The following KCNU1 variants were observed in gnomAD, a reference collection of about 807,000 sequenced individuals.
KCNU1 encodes potassium channel subfamily U member 1.
A neutral mutation model predicts 126.8 loss-of-function variants in KCNU1; 93 were observed. The observed-to-expected ratio is 0.73, with a 90% CI of 0.62 to 0.87. The LOEUF (loss-of-function observed/expected upper bound fraction) is 0.87. Ranked by LOEUF, KCNU1 falls within the 40% of genes least tolerant of loss-of-function variation. KCNU1 has a pLI of 0.00. For missense variants in KCNU1, 1,330 were observed against 1,367.1 expected, an observed-to-expected ratio of 0.97 and a Z score of 0.43; for synonymous variants, 523 against 494.2, an observed-to-expected ratio of 1.06 and a Z score of -0.77.
intron 19 of KCNU1, among the ~76,000 whole-genome samples, chr8:36,874,643 GTCC>G (rs1343041771): frequency 6.6e-6 from 1 of 152,066 alleles, no homozygotes; most frequent in Admixed American, 6.5e-5. Flanking sequence ...AACCATTATT[GTCC>G]TCCTCAATTT....
At chr8:36,914,435 C>T (rs1483778104) in intron 22 of KCNU1, among the ~76,000 whole-genome samples, 1 of 152,178 alleles carries the variant, frequency 6.6e-6, no homozygotes, top group African/African-American at 2.4e-5. Flanking sequence ...GTCAGCAGTA[C>T]CAAGGTGGAG....
chr8:36,927,826 A>G (rs1808578438), intron 24 of KCNU1, among the ~76,000 whole-genome samples: 1 of 152,076 alleles, frequency 6.6e-6, no homozygotes, highest in African/African-American at 2.4e-5. Flanking sequence ...AGAAACATTG[A>G]CCAAATTTGA....
intron 19 of KCNU1, chr8:36,888,544 G>A (rs1185315352): frequency 3.8e-6 from 2 of 533,290 alleles, no homozygotes; most frequent in South Asian, 2.8e-5. Context: ...AGATCTGGGA[G>A]ATCACAAATG....
intron 19 of KCNU1, among the ~76,000 whole-genome samples, chr8:36,882,330 T>A (rs564833771): frequency 1.3e-5 from 2 of 152,306 alleles, no homozygotes; most frequent in African/African-American, 4.8e-5. Flanking sequence ...CATTCTTGAG[T>A]AGCACAGAAA....
chr8:36,808,636 G>A (rs1803594665), intron 6 of KCNU1, 82 bp from the exon 7 acceptor site: 1 of 846,138 alleles, frequency 1.2e-6, no homozygotes, highest in South Asian at 1.5e-5. Flanking sequence ...CACACTTTGT[G>A]TAGCAACATC....
chr8:36,935,950 C>T lies in KCNU1; in HGVS notation c.*30C>T, dbSNP rs1808844815. On this transcript the variant is annotated 3_prime_UTR_variant, in exon 27 of 27. Transcript: ENST00000399881. ...GCCCATATTCTTCACGTGCTCTTAA[C>T]TTGCTGCTTACAAATCATCTCCTGA... The T allele has an allele frequency of 3.3e-6, 5 of 1,509,608 alleles. No individual in the cohort carries two copies. Among genetic ancestry groups the T allele is most frequent in the Non-Finnish European group, 4.4e-6 (5 of 1,127,104 alleles). 93.5% of individuals were successfully genotyped at this position (1,509,608 alleles called of 1,614,324 possible).
At chr8:36,875,335 T>C (rs1806241549) in intron 19 of KCNU1, among the ~76,000 whole-genome samples, 1 of 149,892 alleles carries the variant, frequency 6.7e-6, no homozygotes, top group African/African-American at 2.4e-5. Flanking sequence ...TATTTATACA[T>C]ACCAATACAT....
intron 19 of KCNU1, among the ~76,000 whole-genome samples, chr8:36,883,159 C>G (rs1201805899): frequency 1.3e-5 from 2 of 152,168 alleles, no homozygotes; most frequent in African/African-American, 4.8e-5. Context: ...ATTACCTTTT[C>G]TTTCCTCTGG....
intron 19 of KCNU1, among the ~76,000 whole-genome samples, chr8:36,876,400 A>G (rs185834459): frequency 6.6e-6 from 1 of 152,264 alleles, no homozygotes; most frequent in East Asian, 1.9e-4. Context: ...ATGTCAGAGG[A>G]CTCTCAGTCT....
intron 18 of KCNU1, among the ~76,000 whole-genome samples, chr8:36,848,305 T>A (rs924924493): frequency 6.6e-6 from 1 of 152,208 alleles, no homozygotes; most frequent in Non-Finnish European, 1.5e-5. Context: ...TATAGCACCA[T>A]TTGTCTATTT....
intron 2 of KCNU1, among the ~76,000 whole-genome samples, chr8:36,788,044 C>A (rs756998371): frequency 3.9e-5 from 6 of 151,916 alleles, no homozygotes; most frequent in Non-Finnish European, 7.4e-5. Context: ...ACTAATCAGA[C>A]CTGAAATGTA....
intron 19 of KCNU1, among the ~76,000 whole-genome samples, chr8:36,872,850 G>C (rs1385982517): frequency 1.3e-5 from 2 of 152,174 alleles, no homozygotes. Flanking sequence ...GGGTGCAGTA[G>C]CTCATGCCTG....
chr8:36,790,600 T>C (rs1802869430), intron 2 of KCNU1, among the ~76,000 whole-genome samples: 1 of 152,148 alleles, frequency 6.6e-6, no homozygotes, highest in African/African-American at 2.4e-5. Context: ...TGATTTCTTA[T>C]GATAATATGA....
intron 19 of KCNU1, among the ~76,000 whole-genome samples, chr8:36,892,589 A>C (rs1185600577): frequency 6.7e-6 from 1 of 149,782 alleles, no homozygotes; most frequent in African/African-American, 2.5e-5. Context: ...ATTATATGAC[A>C]ACTCTACAAA....
At chr8:36,795,250 C>A (rs1172756842) in intron 2 of KCNU1, 1 of 152,386 alleles carries the variant, frequency 6.6e-6, no homozygotes, top group South Asian at 2.1e-4. Flanking sequence ...CCCCCTGGAG[C>A]CTCTATCTGC....
At chr8:36,796,977 G>C (rs531252203) in intron 2 of KCNU1, among the ~76,000 whole-genome samples, 1 of 152,190 alleles carries the variant, frequency 6.6e-6, no homozygotes, top group African/African-American at 2.4e-5. Context: ...ACAAATGGGA[G>C]ATCTGTTAGC....
At chr8:36,802,108 CAAAAAAAAAAAAA>C (rs749026223) in intron 2 of KCNU1, among the ~76,000 whole-genome samples, 9,117 of 72,624 alleles carry the variant, frequency 0.13, 454 homozygotes, top group Middle Eastern at 0.32. Flanking sequence ...AACTCCGTCT[CAAAAAAAAAAAAA>C]AAAAAAAAAA....
chr8:36,933,272 A>G (rs933391985), intron 26 of KCNU1, among the ~76,000 whole-genome samples: 2 of 152,088 alleles, frequency 1.3e-5, no homozygotes, highest in African/African-American at 4.8e-5. Flanking sequence ...CCCCCAGTGA[A>G]AATTGAAACA....
At chr8:36,825,973 T>C (rs2130511285) in intron 10 of KCNU1, among the ~76,000 whole-genome samples, 1 of 152,212 alleles carries the variant, frequency 6.6e-6, no homozygotes, top group South Asian at 2.1e-4. Context: ...TTGTATGTTA[T>C]AATTTTCCTA....
Sources: allele counts gnomAD v4.1 joint callset (sites outside exome capture counted in the v4.1 genomes callset), GRCh38; gene constraint gnomAD v4.1.1; transcripts MANE v1.5; gene names NCBI Gene and HGNC (gene_info 2026-07-23, HGNC 2026-07-21).